ZBTB8B: variants seen among roughly 807,000 people sequenced by gnomAD.
The protein encoded by ZBTB8B is zinc finger and BTB domain containing 8B, also known as zinc finger and BTB domain-containing protein 8B.
ZBTB8B carries 17 observed loss-of-function variants against 30.3 expected under a neutral mutation model. The ratio of observed to expected loss-of-function variants is 0.56; its 90% CI spans 0.38 to 0.84. ZBTB8B has a LOEUF of 0.84. Among genes scored for constraint, ZBTB8B ranks in the 40% least tolerant of loss-of-function variants. The pLI is 0.00. For missense variants in ZBTB8B, 515 were observed against 644.9 expected, an observed-to-expected ratio of 0.80 and a Z score of 2.18; for synonymous variants, 248 against 255.6, an observed-to-expected ratio of 0.97 and a Z score of 0.28.
At position 32,471,062 on chromosome 1, in the gene ZBTB8B, AGCGGCGGCAGCAGCG is replaced by A. The variant is rs1040588733; in HGVS notation, c.444_458del (p.Ala149_Ala153del). 31 of 1,544,432 alleles carry A rather than the reference AGCGGCGGCAGCAGCG, an allele frequency of 2.0e-5. No individual in the cohort carries two copies. The African/African-American group carries it at 4.3e-4, about 21-fold the overall frequency. On this transcript the variant is annotated inframe_deletion, in exon 2 of 4. Transcript: ENST00000609129. Reference sequence around the variant, plus strand: ...TGGCGGCGGCAGCGGCGGCGGCTGCAGCGGCGGCAGCAGCGGCGGCTCATCAGGTTGACAGTGAAA... The same window carrying A: ...TGGCGGCGGCAGCGGCGGCGGCTGCAGCGGCTCATCAGGTTGACAGTGAAA...
chr1:32,484,972 G>T lies in ZBTB8B; in HGVS notation c.1171-129G>T. 1.3e-6 allele frequency: 1 copy of T among 777,224 alleles called. No homozygotes were observed. The highest frequency in any genetic ancestry group is 2.1e-6 in the Non-Finnish European group (1 of 478,042). 48.1% of individuals were successfully genotyped at this position (777,224 alleles called of 1,614,324 possible). ...AGAACAGACTAATACAAAGACTGTG[G>T]CAGAGAATGCAGGTGGAGTGCTGAA... On this transcript the variant is annotated intron_variant, in intron 3 of 3. Coordinates refer to ENST00000609129, the MANE Select transcript of ZBTB8B (RefSeq NM_001145720.2). This position sits in a 1 kb window ranked among gnomAD's most constrained non-coding sequence, Gnocchi z 4.5.
At chr1:32,483,942 C>T (rs145468620) in intron 3 of ZBTB8B, among the ~76,000 whole-genome samples, 2 of 151,932 alleles carry the variant, frequency 1.3e-5, no homozygotes, top group African/African-American at 2.4e-5. Context: ...TGGTGGCTCA[C>T]GCTTGAAATC....
chr1:32,473,136 G>A (rs190421676), intron 2 of ZBTB8B, among the ~76,000 whole-genome samples: 3 of 152,280 alleles, frequency 2.0e-5, no homozygotes, highest in Admixed American at 6.5e-5. Context: ...CTGATGAAAC[G>A]TGGCTTCCAA....
rs1557686055 is a variant in ZBTB8B at position 32,493,484 on chromosome 1, G to A, written c.*8066G>A. 1.3e-5 allele frequency: 2 copies of A among 151,794 alleles called. No homozygotes were observed. The highest frequency in any genetic ancestry group is 2.4e-5 in the African/African-American group (1 of 41,360). 9.4% of individuals were successfully genotyped at this position (151,794 alleles called of 1,614,324 possible). ...AAAAATAATATGGTTTTCTGGCCGG[G>A]AGCAGTGGCTCATGCCTGTAATCCC... On this transcript the variant is annotated 3_prime_UTR_variant, in exon 4 of 4. Coordinates refer to ENST00000609129, the MANE Select transcript of ZBTB8B (RefSeq NM_001145720.2).
Position 32,487,527 on chromosome 1 carries a change from C to T in ZBTB8B, c.*2109C>T, listed in dbSNP as rs1362222254. 6.6e-6 allele frequency: 1 copy of T among 152,242 alleles called. No individual in the cohort carries two copies. The highest frequency in any genetic ancestry group is 2.4e-5 in the African/African-American group (1 of 41,466). The allele number at this position is 152,242 out of a possible 1,614,324, so 9.4% of individuals were successfully genotyped here. A position where few individuals can be genotyped will look rare whatever the true frequency, so the allele number is the denominator to read the frequency against. On this transcript the variant is annotated 3_prime_UTR_variant, in exon 4 of 4. Transcript: ENST00000609129. ...GTAGAATGGAAAATTTAAAACTTCTCTTATCACAGGTAGTTCGATAAATAT... is the reference window on the plus strand; with the variant it reads ...GTAGAATGGAAAATTTAAAACTTCTTTTATCACAGGTAGTTCGATAAATAT...
intron 3 of ZBTB8B, among the ~76,000 whole-genome samples, chr1:32,482,669 CAAAAAAAAAA>C (rs1050028688): frequency 2.5e-4 from 10 of 40,084 alleles, no homozygotes; most frequent in African/African-American, 8.8e-4. Context: ...GACTCCGTGT[CAAAAAAAAAA>C]AAAAAAAAAA....
chr1:32,474,089 G>A (rs1419627018), intron 2 of ZBTB8B, among the ~76,000 whole-genome samples: 1 of 150,668 alleles, frequency 6.6e-6, no homozygotes, highest in African/African-American at 2.4e-5. Flanking sequence ...GACCTCAGGT[G>A]ATCCCCCTGC....
rs970843296 is a variant in ZBTB8B at position 32,484,665 on chromosome 1, C to T, written c.1171-436C>T. 3.3e-5 allele frequency among the ~76,000 whole-genome samples: 5 copies of T among 152,022 alleles called. No homozygotes were observed. The highest frequency in any genetic ancestry group is 2.6e-4 in the Admixed American group (4 of 15,256). Reference sequence around the variant, plus strand: ...GGGGCAGTTTCTCATGGTTTAACGCCATCCCTACTTGGTGCTGTCATCGTG... The same window carrying T: ...GGGGCAGTTTCTCATGGTTTAACGCTATCCCTACTTGGTGCTGTCATCGTG... On this transcript the variant is annotated intron_variant, in intron 3 of 3. Coordinates refer to ENST00000609129, the MANE Select transcript of ZBTB8B (RefSeq NM_001145720.2). The surrounding 1 kb of genome is among the most constrained non-coding windows in gnomAD (Gnocchi z 4.5).
chr1:32,467,486 C>A (rs1409065431), intron 1 of ZBTB8B, among the ~76,000 whole-genome samples: 1 of 151,936 alleles, frequency 6.6e-6, no homozygotes, highest in Admixed American at 6.6e-5. Flanking sequence ...ACTCCTGACC[C>A]CAGGTGATCT....
rs1005884993 is a variant in ZBTB8B at position 32,470,762 on chromosome 1, C to T, written c.138C>T (p.Ser46=). Residue 46 remains serine (S), a synonymous_variant, in exon 2 of 4, where the codon AGC becomes AGT. Coordinates refer to ENST00000609129, the MANE Select transcript of ZBTB8B (RefSeq NM_001145720.2). ...KAHRNILFAN[S]GYFRALLIHY... ...ACAGGAACATTTTGTTTGCTAACAG[C>T]GGCTACTTCCGAGCCCTGCTCATTC... 6 of 1,551,774 alleles carry T rather than the reference C, an allele frequency of 3.9e-6. No homozygotes were observed. Among genetic ancestry groups the T allele is most frequent in the Admixed American group, 2.0e-5 (1 of 50,996 alleles).
intron 1 of ZBTB8B, among the ~76,000 whole-genome samples, chr1:32,468,098 AGAGT>A (rs1643586773): frequency 6.6e-6 from 1 of 152,084 alleles, no homozygotes. Flanking sequence ...CCTGGGTGAC[AGAGT>A]GAGACCCCAT....
At position 32,485,144 on chromosome 1, in the gene ZBTB8B, GA is replaced by G. The variant is rs1357519763; in HGVS notation, c.1216del (p.Thr406HisfsTer32). On this transcript the variant is annotated frameshift_variant, in exon 4 of 4. Coordinates refer to ENST00000609129, the MANE Select transcript of ZBTB8B (RefSeq NM_001145720.2). LOFTEE classifies it high-confidence loss of function. ...CCAATCATCTGCAAGGGCTGCAGGA[GA>G]ACATTCACGAGTCACCTGTCCCAGG... ...NRPIICKGCRRTFTSHLSQGL... is the reference protein window; with the variant it reads ...NRPIICKGCRXTFTSHLSQGL... 1 of 1,552,154 alleles carries G rather than the reference GA, an allele frequency of 6.4e-7. No individual in the cohort carries two copies. The highest frequency in any genetic ancestry group is 2.0e-5 in the Admixed American group (1 of 51,006).
rs2148190797 is a variant in ZBTB8B, at chr1:32,495,356, A to G, written c.*9938A>G. The G allele has an allele frequency of 6.6e-6, 1 of 152,348 alleles. No homozygotes were observed. The highest frequency in any genetic ancestry group is 2.1e-4 in the South Asian group (1 of 4,828). The allele number at this position is 152,348 out of a possible 1,614,324, so 9.4% of individuals were successfully genotyped here. On this transcript the variant is annotated 3_prime_UTR_variant, in exon 4 of 4. Transcript: ENST00000609129. ...TTAGCCACTTAATCTAAAAATACCTAGATGCAGTATTCCTGGTTTTTAATG... is the reference window on the plus strand; with the variant it reads ...TTAGCCACTTAATCTAAAAATACCTGGATGCAGTATTCCTGGTTTTTAATG...
At chr1:32,473,751 G>C (rs938951544) in intron 2 of ZBTB8B, among the ~76,000 whole-genome samples, 1 of 151,982 alleles carries the variant, frequency 6.6e-6, no homozygotes, top group Non-Finnish European at 1.5e-5. Context: ...AAACTCCTGG[G>C]ATCAAGCAAT....
rs1209769176 is a variant in ZBTB8B, at chr1:32,471,086, TCAGGTTGACAGTGAAAGCCC to T, written c.466_485del (p.Val156PhefsTer34). Reference sequence around the variant, plus strand: ...CAGCGGCGGCAGCAGCGGCGGCTCATCAGGTTGACAGTGAAAGCCCCAGTTCAGGCCGGGAGGGGACCTCC... The same window carrying T: ...CAGCGGCGGCAGCAGCGGCGGCTCATCAGTTCAGGCCGGGAGGGGACCTCC... On this transcript the variant is annotated frameshift_variant, in exon 2 of 4. Transcript: ENST00000609129. LOFTEE classifies it high-confidence loss of function. 6.4e-7 allele frequency: 1 copy of T among 1,550,476 alleles called. No homozygotes were observed. The highest frequency in any genetic ancestry group is 1.4e-5 in the African/African-American group (1 of 73,120).
chr1:32,485,320 TA>T lies in ZBTB8B; in HGVS notation c.1391del (p.Tyr464LeufsTer43). ...KSDTDNDWPI[Y>X]VESGEENDPA... ...CGACACAGACAATGACTGGCCAATC[TA>T]TGTGGAGTCGGGTGAGGAAAATGAC... On this transcript the variant is annotated frameshift_variant, in exon 4 of 4. Coordinates refer to ENST00000609129, the MANE Select transcript of ZBTB8B (RefSeq NM_001145720.2). LOFTEE classifies it low-confidence loss of function (END_TRUNC). 6.4e-7 allele frequency: 1 copy of T among 1,552,244 alleles called. No homozygotes were observed. The highest frequency in any genetic ancestry group is 8.7e-7 in the Non-Finnish European group (1 of 1,147,122).
chr1:32,478,300 T>A (rs1570258757), intron 2 of ZBTB8B, among the ~76,000 whole-genome samples: 2 of 151,766 alleles, frequency 1.3e-5, no homozygotes, highest in East Asian at 3.9e-4. Flanking sequence ...TCACTTGAGG[T>A]CAGGAGTTCA....
In ZBTB8B at chr1:32,486,665, T is replaced by C. The variant is rs575721015; in HGVS notation, c.*1247T>C. ...AATTGACATGGCACAGTGATAAGTG[T>C]TTCTTATGGAAATCTGCTTCCTGCA... On this transcript the variant is annotated 3_prime_UTR_variant, in exon 4 of 4. Transcript: ENST00000609129. The C allele has an allele frequency of 5.3e-5, 8 of 152,232 alleles. No homozygotes were observed. The East Asian group carries it at 1.5e-3, about 29-fold the overall frequency. 9.4% of individuals were successfully genotyped at this position (152,232 alleles called of 1,614,324 possible).
chr1:32,493,440 T>C lies in ZBTB8B; in HGVS notation c.*8022T>C, dbSNP rs1194541995. 1.3e-5 allele frequency: 2 copies of C among 151,162 alleles called. No individual in the cohort carries two copies. Among genetic ancestry groups the C allele is most frequent in the South Asian group, 4.3e-4 (2 of 4,660 alleles). The allele number at this position is 151,162 out of a possible 1,614,324, so 9.4% of individuals were successfully genotyped here. On this transcript the variant is annotated 3_prime_UTR_variant, in exon 4 of 4. Coordinates refer to ENST00000609129, the MANE Select transcript of ZBTB8B (RefSeq NM_001145720.2). ...ACAGGCGTGAGCCACTGTGCCTGAC[T>C]GGGTGGTTTTCTTTTTTAAAAAATA...
Sources: allele counts gnomAD v4.1 joint callset (sites outside exome capture counted in the v4.1 genomes callset), GRCh38; gene constraint gnomAD v4.1.1; non-coding constraint Gnocchi (gnomAD v3.1); transcripts MANE v1.5; gene names NCBI Gene and HGNC (gene_info 2026-07-23, HGNC 2026-07-21).